The following ARHGAP29 variants were observed in gnomAD, a reference collection of about 807,000 sequenced individuals.
The protein encoded by ARHGAP29 is Rho GTPase activating protein 29.
A neutral mutation model predicts 122.6 loss-of-function variants in ARHGAP29; 43 were observed. The ratio of observed to expected loss-of-function variants is 0.35; its 90% CI spans 0.27 to 0.45. ARHGAP29 has a LOEUF of 0.45. Ranked by LOEUF, ARHGAP29 falls within the 20% of genes least tolerant of loss-of-function variation. The probability of loss-of-function intolerance (pLI) is 1.00; values close to 1 mark genes in which losing one functional copy is unlikely to be tolerated. For missense variants in ARHGAP29, 1,303 were observed against 1,477.2 expected (o/e 0.88, Z 1.93); for synonymous variants, 506 against 497.1 (o/e 1.02, Z -0.24).
At chr1:94,267,048 A>G (rs1354054426) in intron 1 of ARHGAP29, among the ~76,000 whole-genome samples, 1 of 152,158 alleles carries the variant, frequency 6.6e-6, no homozygotes, top group Admixed American at 6.6e-5. Flanking sequence ...TGCCTTCCTC[A>G]GGATTTTGCT....
chr1:94,179,222 T>C (rs1649294722), intron 20 of ARHGAP29, among the ~76,000 whole-genome samples: 1 of 152,180 alleles, frequency 6.6e-6, no homozygotes, highest in East Asian at 1.9e-4. Context: ...AATGTCTCCC[T>C]TTCCCTTACA....
the ARHGAP29 span, among the ~76,000 whole-genome samples, chr1:94,292,627 G>C: frequency 6.6e-6 from 1 of 152,190 alleles, no homozygotes; most frequent in East Asian, 1.9e-4. Context: ...GTGACCTACG[G>C]ATGAGGTTTT....
chr1:94,277,068 G>T (rs1053149012), upstream of ARHGAP29, among the ~76,000 whole-genome samples: 1 of 152,098 alleles, frequency 6.6e-6, no homozygotes, highest in Non-Finnish European at 1.5e-5. Flanking sequence ...AGGAAAACAG[G>T]CCTGCTTCTA....
rs912263233 is a variant in ARHGAP29, at chr1:94,169,752, A to G, written c.*4117T>C. On this transcript the variant is annotated 3_prime_UTR_variant, in exon 23 of 23. Transcript: ENST00000260526. ...CTCCTTGGAAAAAAGGGCTAATTCTAGACTTGGGGTAGGGAGTAGGAAAAA... is the reference window on the plus strand; with the variant it reads ...CTCCTTGGAAAAAAGGGCTAATTCTGGACTTGGGGTAGGGAGTAGGAAAAA... Among the ~76,000 whole-genome samples the G allele has an allele frequency of 3.3e-5, 5 of 152,150 alleles. No homozygotes were observed. Among genetic ancestry groups the G allele is most frequent in the African/African-American group, 1.2e-4 (5 of 41,452 alleles).
intron 5 of ARHGAP29, among the ~76,000 whole-genome samples, chr1:94,207,412 C>A (rs1651272311): frequency 6.6e-6 from 1 of 151,276 alleles, no homozygotes; most frequent in African/African-American, 2.4e-5. Flanking sequence ...AAATTAAAAC[C>A]TTCAAAAAAA....
the ARHGAP29 span, among the ~76,000 whole-genome samples, chr1:94,311,468 A>C: frequency 1.3e-5 from 2 of 152,312 alleles, no homozygotes; most frequent in South Asian, 2.1e-4. Flanking sequence ...GGATAGGTGC[A>C]ACACAAATGC....
At chr1:94,179,592 CAAAAAAAAAAAAAAA>C (rs67114194) in intron 20 of ARHGAP29, 118 bp downstream of exon 20, 4 of 220,900 alleles carry the variant, frequency 1.8e-5, no homozygotes, top group Admixed American at 1.0e-4. Context: ...GACTCTGTCT[CAAAAAAAAAAAAAAA>C]AAAAAAAAAA....
rs201017925 is a variant in ARHGAP29, at chr1:94,258,535, C to T, written c.-33+16477G>A. 1.9e-4 allele frequency among the ~76,000 whole-genome samples: 29 copies of T among 152,268 alleles called. No individual in the cohort carries two copies. In the East Asian group the frequency reaches 5.0e-3, roughly 26 times the overall value. ...TTCCCTCTTTGGAGACCTTAGCTCT[C>T]ATGGGCTGTTGAGAGAGGGTCTTAG... On this transcript the variant is annotated intron_variant and NMD_transcript_variant, in intron 1 of 25. Transcript: ENST00000552844.
At position 94,174,364 on chromosome 1, in the gene ARHGAP29, G is replaced by A; in HGVS notation, c.3291C>T (p.Ile1097=). The change falls in exon 23 of 23, where the codon ATC becomes ATT. Residue 1097 remains isoleucine, a synonymous_variant. Coordinates refer to ENST00000260526, the MANE Select transcript of ARHGAP29 (RefSeq NM_004815.4). ...CTTTTTCCTGGAGTGCACTGGGCAT[G>A]ATCATTGTAGTCTTGGCAGTTAGGC... ...QNSLTAKTTM[I]MPSALQEKGV... 1.2e-6 allele frequency: 2 copies of A among 1,614,146 alleles called. No individual in the cohort carries two copies. Among genetic ancestry groups the A allele is most frequent in the Non-Finnish European group, 1.7e-6 (2 of 1,180,018 alleles).
At chr1:94,305,762 A>G in the ARHGAP29 span, among the ~76,000 whole-genome samples, 1 of 152,194 alleles carries the variant, frequency 6.6e-6, no homozygotes, top group Non-Finnish European at 1.5e-5. Flanking sequence ...TCAGAATCTG[A>G]AATGTGAATA....
intron 1 of ARHGAP29, among the ~76,000 whole-genome samples, chr1:94,242,914 C>A (rs1477960202): frequency 2.6e-5 from 4 of 151,918 alleles, no homozygotes; most frequent in Non-Finnish European, 5.9e-5. Context: ...GCCAAAGTAG[C>A]TCTATAATAT....
upstream of ARHGAP29, among the ~76,000 whole-genome samples, chr1:94,242,291 A>G (rs1288692238): frequency 6.6e-6 from 1 of 152,132 alleles, no homozygotes; most frequent in African/African-American, 2.4e-5. Flanking sequence ...CTCATAGTAC[A>G]TCTAACCTAG....
At chr1:94,196,604 T>C (rs1490433789) in intron 12 of ARHGAP29, among the ~76,000 whole-genome samples, 1 of 152,142 alleles carries the variant, frequency 6.6e-6, no homozygotes, top group Non-Finnish European at 1.5e-5. Context: ...TTTACTGATT[T>C]CTGCTTGTTT....
At chr1:94,284,083 T>C in the ARHGAP29 span, among the ~76,000 whole-genome samples, 21 of 19,104 alleles carry the variant, frequency 1.1e-3, no homozygotes, top group East Asian at 0.05. Context: ...AAGGCAGAAA[T>C]GGGAAAAAAA....
In ARHGAP29 at chr1:94,174,023, TTGTC is replaced by T. The variant is rs751071759; in HGVS notation, c.3628_3631del (p.Asp1210LysfsTer25). On this transcript the variant is annotated frameshift_variant, in exon 23 of 23. Transcript: ENST00000260526. LOFTEE classifies it low-confidence loss of function (END_TRUNC). ...TGCTTGCCCAGGACAAGCTGATGCT[TTGTC>T]TGGGTCTGGCATTGACTTCACCACG... The T allele has an allele frequency of 1.2e-6, 2 of 1,614,182 alleles. No homozygotes were observed. Among genetic ancestry groups the T allele is most frequent in the Admixed American group, 1.7e-5 (1 of 60,022 alleles).
chr1:94,295,135 T>C, the ARHGAP29 span, among the ~76,000 whole-genome samples: 1 of 152,106 alleles, frequency 6.6e-6, no homozygotes, highest in East Asian at 1.9e-4. Flanking sequence ...ACTAGAAGGA[T>C]TGGAGTTAAG....
chr1:94,278,349 TTTTAAC>T (rs1655255217), upstream of ARHGAP29, among the ~76,000 whole-genome samples: 1 of 152,156 alleles, frequency 6.6e-6, no homozygotes, highest in South Asian at 2.1e-4. Flanking sequence ...TAAATTTTAA[TTTTAAC>T]TTTAAGAAAC....
At chr1:94,270,093 C>T (rs1410528620) in intron 1 of ARHGAP29, among the ~76,000 whole-genome samples, 1 of 152,162 alleles carries the variant, frequency 6.6e-6, no homozygotes, top group African/African-American at 2.4e-5. Flanking sequence ...TCCCTCAAAA[C>T]ACTATGACAT....
rs1033895687 is a variant in ARHGAP29, at chr1:94,178,242, G to C, written c.2481-75C>G. The C allele has an allele frequency of 1.2e-5, 17 of 1,402,880 alleles. No individual in the cohort carries two copies. The East Asian group carries it at 3.0e-4, about 25-fold the overall frequency. 86.9% of individuals were successfully genotyped at this position (1,402,880 alleles called of 1,614,324 possible). A position where few individuals can be genotyped will look rare whatever the true frequency, so the allele number is the denominator to read the frequency against. ...CTTGACTGTAGTTTACTATGGAATA[G>C]AGAGGGTGGAGGGAAAATGAGCTGC... is the stretch of plus-strand genomic sequence containing the variant. On this transcript the variant is annotated intron_variant, in intron 20 of 22. Coordinates refer to ENST00000260526, the MANE Select transcript of ARHGAP29 (RefSeq NM_004815.4).
Sources: allele counts gnomAD v4.1 joint callset (sites outside exome capture counted in the v4.1 genomes callset), GRCh38; gene constraint gnomAD v4.1.1; transcripts MANE v1.5; gene names NCBI Gene and HGNC (gene_info 2026-07-23, HGNC 2026-07-21).